FRMD5: variants seen among roughly 807,000 people sequenced by gnomAD.
FRMD5 encodes FERM domain-containing protein 5.
FRMD5 carries 20 observed loss-of-function variants against 69.0 expected under a neutral mutation model. That is an observed-to-expected ratio of 0.29 (90% CI 0.20 to 0.42). The LOEUF (loss-of-function observed/expected upper bound fraction) is 0.42, where lower values mean the gene tolerates loss of function less well. Among genes scored for constraint, FRMD5 ranks in the 10% least tolerant of loss-of-function variants. FRMD5 has a pLI of 1.00. For missense variants in FRMD5, 595 were observed against 708.6 expected (o/e 0.84, Z 1.82); for synonymous variants, 271 against 260.1 (o/e 1.04, Z -0.40).
intron 13 of FRMD5, chr15:43,875,811 T>TTG: frequency 5.4e-6 from 2 of 368,268 alleles, no homozygotes; most frequent in African/African-American, 4.4e-5. Context: ...CTAGTTTTTT[T>TTG]TTTTTTTTTT....
rs1401300452 is a variant in FRMD5 at position 44,033,464 on chromosome 15, C to T, written c.103-109155G>A. On this transcript the variant is annotated intron_variant, in intron 1 of 13. Coordinates refer to ENST00000417257, the MANE Select transcript of FRMD5 (RefSeq NM_032892.5). ...TTTTAAGAGGCATTTCAATAAATAT[C>T]CCAAATAATAGTTTTTGTTCAAGTC... Among the ~76,000 whole-genome samples the T allele has an allele frequency of 5.3e-5, 8 of 151,962 alleles. No homozygotes were observed. In the South Asian group the frequency reaches 6.2e-4, roughly 12 times the overall value.
intron 13 of FRMD5, chr15:43,876,209 CGCTTTTCCA>C: frequency 6.3e-7 from 1 of 1,594,396 alleles, no homozygotes; most frequent in Non-Finnish European, 8.6e-7. Context: ...CCCCTTTCCC[CGCTTTTCCA>C]GAACCACTTT....
chr15:44,096,168 T>G (rs2140503746), intron 1 of FRMD5, among the ~76,000 whole-genome samples: 1 of 133,652 alleles, frequency 7.5e-6, no homozygotes. Context: ...ATCACGCCAT[T>G]GCACTCCAGC....
chr15:43,995,283 A>G (rs745439834), intron 1 of FRMD5, among the ~76,000 whole-genome samples: 1 of 152,242 alleles, frequency 6.6e-6, no homozygotes, highest in Non-Finnish European at 1.5e-5. Context: ...AAGTCTGTAC[A>G]TGTTTAGTAC....
chr15:44,118,812 A>G (rs542362549), intron 1 of FRMD5, among the ~76,000 whole-genome samples: 1 of 152,212 alleles, frequency 6.6e-6, no homozygotes, highest in African/African-American at 2.4e-5. Flanking sequence ...ATCTTGCTCT[A>G]TCACCCAGGC....
intron 1 of FRMD5, among the ~76,000 whole-genome samples, chr15:43,988,424 G>A (rs1203929449): frequency 6.6e-6 from 1 of 150,518 alleles, no homozygotes; most frequent in Non-Finnish European, 1.5e-5. Context: ...TTAGACATAT[G>A]CTACTGCACA....
At chr15:44,153,814 AG>A (rs1235236098) in intron 1 of FRMD5, among the ~76,000 whole-genome samples, 1 of 152,178 alleles carries the variant, frequency 6.6e-6, no homozygotes, top group Non-Finnish European at 1.5e-5. Flanking sequence ...ACAAAAATTC[AG>A]AAATTAGCCG....
intron 1 of FRMD5, among the ~76,000 whole-genome samples, chr15:44,018,407 A>T (rs1452012340): frequency 6.6e-6 from 1 of 152,216 alleles, no homozygotes; most frequent in Non-Finnish European, 1.5e-5. Flanking sequence ...GGCTGTCTGC[A>T]TAAAGTGATG....
intron 1 of FRMD5, among the ~76,000 whole-genome samples, chr15:44,159,664 G>C (rs1452677313): frequency 6.6e-6 from 1 of 152,186 alleles, no homozygotes; most frequent in Non-Finnish European, 1.5e-5. Context: ...CATCAGGTTG[G>C]ATCAGGAAGC....
chr15:44,109,536 G>A (rs1228517951), intron 1 of FRMD5, among the ~76,000 whole-genome samples: 1 of 151,880 alleles, frequency 6.6e-6, no homozygotes, highest in African/African-American at 2.4e-5. Flanking sequence ...AGAAAGTACA[G>A]AGTTCCCATA....
rs531417276 is a variant in FRMD5, at chr15:43,992,559, G to A, written c.103-68250C>T. ...TGCCCAGCTAATTTTTGTATTTTTA[G>A]TAGAGACAGGGTTTCACCACATTGG... On this transcript the variant is annotated intron_variant, in intron 1 of 13. Transcript: ENST00000417257. 3.3e-5 allele frequency among the ~76,000 whole-genome samples: 5 copies of A among 152,110 alleles called. No homozygotes were observed. The South Asian group carries it at 1.0e-3, about 32-fold the overall frequency.
chr15:44,017,156 G>A (rs1287709072), intron 1 of FRMD5, among the ~76,000 whole-genome samples: 1 of 151,914 alleles, frequency 6.6e-6, no homozygotes, highest in Non-Finnish European at 1.5e-5. Flanking sequence ...GGCTAACACG[G>A]TGAAACCCCG....
rs577418366 is a variant in FRMD5, at chr15:43,895,338, ACAGT to A, written c.640-3273_640-3270del. 6.6e-5 allele frequency among the ~76,000 whole-genome samples: 10 copies of A among 152,362 alleles called. No individual in the cohort carries two copies. In the South Asian group the frequency reaches 1.9e-3, roughly 28 times the overall value. ...ATGGGAAGGGAACAGAGGCCATGAC[ACAGT>A]CAGAGATCCGCCAGAGTCCTCTCAG... On this transcript the variant is annotated intron_variant, in intron 7 of 13. Transcript: ENST00000417257.
chr15:44,041,580 C>G (rs772673522), intron 1 of FRMD5, among the ~76,000 whole-genome samples: 14 of 152,190 alleles, frequency 9.2e-5, no homozygotes, highest in African/African-American at 3.4e-4. Flanking sequence ...AACAAACAGT[C>G]TCTCAGACTA....
In FRMD5 at chr15:44,093,077, G is replaced by A. The variant is rs144376327; in HGVS notation, c.102+101876C>T. Among the ~76,000 whole-genome samples, 78 of 151,702 alleles carry A rather than the reference G, an allele frequency of 5.1e-4. 1 individual carries two copies. The East Asian group carries it at 0.014, about 27-fold the overall frequency. On this transcript the variant is annotated intron_variant, in intron 1 of 13. Coordinates refer to ENST00000417257, the MANE Select transcript of FRMD5 (RefSeq NM_032892.5). ...TTCCCGAGTAGCTAGGACTATAGGC[G>A]CGCACCACCACACCCAGCTAATTTT...
chr15:44,016,950 T>C (rs1595627989), intron 1 of FRMD5, among the ~76,000 whole-genome samples: 1 of 152,066 alleles, frequency 6.6e-6, no homozygotes, highest in East Asian at 2.0e-4. Flanking sequence ...GGGCTAATTT[T>C]TTGTAGAAAC....
chr15:43,979,335 CAA>C (rs34106212), intron 1 of FRMD5, among the ~76,000 whole-genome samples: 34 of 126,696 alleles, frequency 2.7e-4, no homozygotes, highest in Admixed American at 4.1e-4. Context: ...AACTCTGTCT[CAA>C]AAAAAAAAAA....
intron 1 of FRMD5, among the ~76,000 whole-genome samples, chr15:44,075,708 A>G (rs1364474952): frequency 1.3e-5 from 2 of 152,176 alleles, no homozygotes; most frequent in Admixed American, 1.3e-4. Flanking sequence ...GACGTTCCAC[A>G]GGAAAAGGAG....
At chr15:44,122,286 G>A (rs1410413357) in intron 1 of FRMD5, among the ~76,000 whole-genome samples, 1 of 152,082 alleles carries the variant, frequency 6.6e-6, no homozygotes, top group Non-Finnish European at 1.5e-5. Flanking sequence ...ATAATAGGCT[G>A]GGCATGGTGG....
Sources: allele counts gnomAD v4.1 joint callset (sites outside exome capture counted in the v4.1 genomes callset), GRCh38; gene constraint gnomAD v4.1.1; transcripts MANE v1.5; gene names NCBI Gene and HGNC (gene_info 2026-07-23, HGNC 2026-07-21).